B3GALT1: variants seen among roughly 807,000 people sequenced by gnomAD.
The protein encoded by B3GALT1 is UDP-Gal:betaGlcNAc beta 1,3-galactosyltransferase, polypeptide 1.
Under a neutral mutation model 23.2 loss-of-function variants are expected in B3GALT1, and 10 were observed. The ratio of observed to expected loss-of-function variants is 0.43; its 90% CI spans 0.27 to 0.73. The LOEUF is 0.73. Among genes scored for constraint, B3GALT1 ranks in the 30% least tolerant of loss-of-function variants. The probability of loss-of-function intolerance (pLI) is 0.21; values close to 1 mark genes in which losing one functional copy is unlikely to be tolerated. For synonymous variants in B3GALT1, 156 were observed against 141.5 expected, an observed-to-expected ratio of 1.10 and a Z score of -0.73; for missense variants, 299 against 405.4, an observed-to-expected ratio of 0.74 and a Z score of 2.25.
intron 1 of B3GALT1, among the ~76,000 whole-genome samples, chr2:167,342,637 T>C (rs1019479522): frequency 6.6e-6 from 1 of 151,934 alleles, no homozygotes; most frequent in Non-Finnish European, 1.5e-5. Context: ...ACAATACTGC[T>C]GGAAATGAGT....
intron 1 of B3GALT1, among the ~76,000 whole-genome samples, chr2:167,469,173 T>C (rs922077994): frequency 2.6e-5 from 4 of 152,150 alleles, no homozygotes; most frequent in African/African-American, 9.7e-5. Context: ...CAGCATGGTG[T>C]GGTGGTTAAA....
intron 1 of B3GALT1, among the ~76,000 whole-genome samples, chr2:167,392,376 C>A (rs1048648996): frequency 6.6e-6 from 1 of 151,934 alleles, no homozygotes; most frequent in African/African-American, 2.4e-5. Context: ...TGATTTGGTT[C>A]TTTTATCAAT....
chr2:167,771,145 T>C (rs1687006228), intron 3 of B3GALT1, among the ~76,000 whole-genome samples: 2 of 152,176 alleles, frequency 1.3e-5, no homozygotes, highest in Non-Finnish European at 1.5e-5. Flanking sequence ...CTTTAAACTG[T>C]GGACTAATAA....
intron 2 of B3GALT1, among the ~76,000 whole-genome samples, chr2:167,582,729 G>T (rs1305213176): frequency 6.6e-6 from 1 of 152,158 alleles, no homozygotes; most frequent in African/African-American, 2.4e-5. Context: ...GCTGGCAGGA[G>T]TCTAGAAAGG....
intron 3 of B3GALT1, among the ~76,000 whole-genome samples, chr2:167,739,830 G>A (rs1454140219): frequency 4.6e-5 from 7 of 151,010 alleles, no homozygotes; most frequent in African/African-American, 1.7e-4. Flanking sequence ...GGGACTCACA[G>A]CTGTAATCCC....
chr2:167,545,710 A>G (rs989884415), intron 2 of B3GALT1, among the ~76,000 whole-genome samples: 3 of 152,030 alleles, frequency 2.0e-5, no homozygotes, highest in Non-Finnish European at 4.4e-5. Context: ...GTCACATTCA[A>G]AGTCCCCACA....
intron 2 of B3GALT1, among the ~76,000 whole-genome samples, chr2:167,525,789 T>TA (rs397726706): frequency 6.6e-6 from 1 of 151,240 alleles, no homozygotes; most frequent in Admixed American, 6.6e-5. Flanking sequence ...TTTTTTTTTT[T>TA]ATTTTGTAGA....
intron 2 of B3GALT1, among the ~76,000 whole-genome samples, chr2:167,491,122 G>A (rs1699701805): frequency 6.6e-6 from 1 of 152,058 alleles, no homozygotes; most frequent in African/African-American, 2.4e-5. Context: ...GTACTTTTAG[G>A]CCTCACTTCA....
intron 4 of B3GALT1, among the ~76,000 whole-genome samples, chr2:167,832,332 T>C (rs1484443129): frequency 6.6e-6 from 1 of 152,190 alleles, no homozygotes; most frequent in Non-Finnish European, 1.5e-5. Flanking sequence ...TACTATACAT[T>C]ATTAGCAAAA....
At position 167,430,048 on chromosome 2, in the gene B3GALT1, A is replaced by G. The variant is rs539891254; in HGVS notation, c.-510-60129A>G. 3.3e-5 allele frequency among the ~76,000 whole-genome samples: 5 copies of G among 152,370 alleles called. No homozygotes were observed. In the East Asian group the frequency reaches 7.7e-4, roughly 24 times the overall value. ...AAAATATTTAAATAAAATGCACAGT[A>G]TGGTAGGATACCATTAAATGCTGTG... On this transcript the variant is annotated intron_variant, in intron 1 of 4. Coordinates refer to ENST00000392690, the MANE Select transcript of B3GALT1 (RefSeq NM_020981.4).
intron 3 of B3GALT1, among the ~76,000 whole-genome samples, chr2:167,731,866 C>A (rs1687416110): frequency 6.6e-6 from 1 of 152,080 alleles, no homozygotes; most frequent in Admixed American, 6.6e-5. Flanking sequence ...TTTCCAGACC[C>A]CTCTTTCCCC....
chr2:167,642,549 G>C (rs1296016195), intron 2 of B3GALT1, among the ~76,000 whole-genome samples: 2 of 152,044 alleles, frequency 1.3e-5, no homozygotes, highest in African/African-American at 4.8e-5. Context: ...CACCCTATTA[G>C]GAAAGGTCCT....
chr2:167,326,534 T>A (rs1696898127), intron 1 of B3GALT1, among the ~76,000 whole-genome samples: 1 of 152,110 alleles, frequency 6.6e-6, no homozygotes, highest in Non-Finnish European at 1.5e-5. Flanking sequence ...GAGGTTTTTC[T>A]ATGGTTTTGT....
chr2:167,509,951 C>G (rs1699980282), intron 2 of B3GALT1, among the ~76,000 whole-genome samples: 1 of 151,870 alleles, frequency 6.6e-6, no homozygotes, highest in East Asian at 1.9e-4. Context: ...AAAGAAAGTG[C>G]CAGAGAGAGA....
intron 2 of B3GALT1, among the ~76,000 whole-genome samples, chr2:167,618,735 T>G (rs1237772643): frequency 6.6e-6 from 1 of 151,978 alleles, no homozygotes; most frequent in Non-Finnish European, 1.5e-5. Flanking sequence ...TACAGGTCAT[T>G]TATTTTGTAT....
intron 2 of B3GALT1, among the ~76,000 whole-genome samples, chr2:167,643,872 A>G (rs1229139869): frequency 1.3e-5 from 2 of 152,170 alleles, no homozygotes; most frequent in Admixed American, 1.3e-4. Flanking sequence ...CAAGTTATTT[A>G]TGGGGACAGC....
rs1030842625 is a variant in B3GALT1 at position 167,341,988 on chromosome 2, C to G, written c.-511+48654C>G. Among the ~76,000 whole-genome samples the G allele has an allele frequency of 3.3e-5, 5 of 152,158 alleles. No homozygotes were observed. In the South Asian group the frequency reaches 8.3e-4, roughly 25 times the overall value. ...GACATTACTTGCCTGGCCGGACCAT[C>G]CCTCTTAGCCCAGTTTATTTTGAAC... On this transcript the variant is annotated intron_variant, in intron 1 of 4. Coordinates refer to ENST00000392690, the MANE Select transcript of B3GALT1 (RefSeq NM_020981.4).
At chr2:167,632,354 C>T (rs961598777) in intron 2 of B3GALT1, among the ~76,000 whole-genome samples, 4 of 152,038 alleles carry the variant, frequency 2.6e-5, no homozygotes, top group African/African-American at 9.7e-5. Flanking sequence ...GTTCTAGATC[C>T]TTGAGGAATA....
intron 1 of B3GALT1, among the ~76,000 whole-genome samples, chr2:167,307,196 C>T (rs1336121564): frequency 6.6e-6 from 1 of 151,930 alleles, no homozygotes; most frequent in East Asian, 1.9e-4. Context: ...TCCCTTTATA[C>T]ACGAGTTAAT....
Sources: allele counts gnomAD v4.1 joint callset (sites outside exome capture counted in the v4.1 genomes callset), GRCh38; gene constraint gnomAD v4.1.1; transcripts MANE v1.5; gene names NCBI Gene and HGNC (gene_info 2026-07-23, HGNC 2026-07-21).